The following TCN2 variants were observed in gnomAD, a reference collection of about 807,000 sequenced individuals.
TCN2 encodes transcobalamin 2.
A neutral mutation model predicts 48.6 loss-of-function variants in TCN2; 34 were observed. The ratio of observed to expected loss-of-function variants is 0.70; its 90% CI spans 0.53 to 0.93. The LOEUF (loss-of-function observed/expected upper bound fraction) is 0.93. Ranked by LOEUF, TCN2 falls within the 40% of genes least tolerant of loss-of-function variation. The pLI, the probability that TCN2 is intolerant of heterozygous loss-of-function variation, is 0.00. For synonymous variants in TCN2, 283 were observed against 212.5 expected, an observed-to-expected ratio of 1.33 and a Z score of -2.89; for missense variants, 652 against 526.1, an observed-to-expected ratio of 1.24 and a Z score of -2.34.
rs138467610 is a variant in TCN2, at chr22:30,612,894, C to T, written c.279C>T (p.Asp93=). 36 of 1,613,984 alleles carry T rather than the reference C, an allele frequency of 2.2e-5. No individual in the cohort carries two copies. The highest frequency in any genetic ancestry group is 3.4e-4 in the Middle Eastern group (2 of 5,888). Residue 93 remains aspartate (D), a synonymous_variant, in exon 3 of 9, where the codon GAC becomes GAT. Coordinates refer to ENST00000215838, the MANE Select transcript of TCN2 (RefSeq NM_000355.4). The part of the protein sequence containing the change: ...CLLGSAFSED[D]GDCQGKPSMG... ...CTAGGTCTGCCTTCAGCGAGGATGA[C>T]GGTGACTGCCAGGGCAAGCCTTCCA... is the stretch of plus-strand genomic sequence containing the variant.
chr22:30,625,414 AT>A (rs1158001003), intron 8 of TCN2, among the ~76,000 whole-genome samples: 2 of 148,856 alleles, frequency 1.3e-5, no homozygotes, highest in Admixed American at 6.7e-5. Context: ...AAAAAAAAAA[AT>A]ATTTTCCTGG....
At chr22:30,623,871 T>C (rs201503890) in intron 8 of TCN2, among the ~76,000 whole-genome samples, 2 of 59,348 alleles carry the variant, frequency 3.4e-5, no homozygotes, top group South Asian at 3.7e-4. Flanking sequence ...CACACATATA[T>C]ACACACATAT....
At chr22:30,611,875 A>G (rs1183930216) in intron 2 of TCN2, among the ~76,000 whole-genome samples, 1 of 152,206 alleles carries the variant, frequency 6.6e-6, no homozygotes, top group African/African-American at 2.4e-5. Context: ...GGTTTGAATG[A>G]GAGGCGAAGA....
chr22:30,623,681 G>C (rs1286844219), intron 8 of TCN2, among the ~76,000 whole-genome samples: 1 of 141,400 alleles, frequency 7.1e-6, no homozygotes, highest in Non-Finnish European at 1.5e-5. Context: ...TTTCATATAT[G>C]TGTATACATA....
At chr22:30,617,823 A>G in intron 7 of TCN2, 1 of 411,620 alleles carries the variant, frequency 2.4e-6, no homozygotes, top group South Asian at 2.1e-5. Context: ...TGAAGAGTCC[A>G]GGAGTTAGTA....
At chr22:30,611,160 C>T in intron 2 of TCN2, 97 bp downstream of exon 2, 1 of 1,485,060 alleles carries the variant, frequency 6.7e-7, no homozygotes, top group South Asian at 1.1e-5. Flanking sequence ...TGTGGGCAGA[C>T]CTTAGGCAAA....
chr22:30,618,665 G>A (rs2087651239), intron 7 of TCN2, among the ~76,000 whole-genome samples: 1 of 150,672 alleles, frequency 6.6e-6, no homozygotes, highest in Non-Finnish European at 1.5e-5. Context: ...ATTTATTTAG[G>A]CAAGGTCTCT....
At chr22:30,609,527 G>T (rs16988838) in intron 1 of TCN2, among the ~76,000 whole-genome samples, 1 of 152,080 alleles carries the variant, frequency 6.6e-6, no homozygotes, top group African/African-American at 2.4e-5. Flanking sequence ...TGAGAGCCCG[G>T]GGTGAGGTCA....
chr22:30,625,060 T>C (rs1375874383), intron 8 of TCN2, among the ~76,000 whole-genome samples: 1 of 151,994 alleles, frequency 6.6e-6, no homozygotes, highest in Non-Finnish European at 1.5e-5. Flanking sequence ...CTACTAAAAA[T>C]ACAAAAAATT....
At chr22:30,625,429 T>A (rs2087792498) in intron 8 of TCN2, among the ~76,000 whole-genome samples, 1 of 151,928 alleles carries the variant, frequency 6.6e-6, no homozygotes, top group Non-Finnish European at 1.5e-5. Context: ...TTCCTGGCCC[T>A]TGCCTGCTGA....
chr22:30,624,049 C>CATGTATACATATAT (rs1569047243), intron 8 of TCN2, among the ~76,000 whole-genome samples: 1 of 34,360 alleles, frequency 2.9e-5, no homozygotes, highest in Admixed American at 3.2e-4. Flanking sequence ...TATATACACA[C>CATGTATACATATAT]ACACACACAC....
In TCN2 at chr22:30,610,980, A is replaced by T. The variant is rs764601482; in HGVS notation, c.174A>T (p.Leu58=). 6.2e-6 allele frequency: 10 copies of T among 1,614,172 alleles called. No individual in the cohort carries two copies. In the Admixed American group the frequency reaches 1.2e-4, roughly 19 times the overall value. ...EHLNPSIYVG[L]RLSSLQAGTK... is the part of the protein sequence containing the mutation. ...TGAACCCCAGCATCTATGTGGGCCT[A>T]CGCCTCTCCAGTCTGCAGGCTGGGA... The change falls in exon 2 of 9, where the codon CTA becomes CTT. Residue 58 remains leucine (L), a synonymous_variant. Transcript: ENST00000215838.
At chr22:30,613,477 C>T (rs1465458595) in intron 3 of TCN2, among the ~76,000 whole-genome samples, 1 of 152,064 alleles carries the variant, frequency 6.6e-6, no homozygotes, top group Non-Finnish European at 1.5e-5. Flanking sequence ...TGGGGTTTCT[C>T]CATGTTGGTC....
At position 30,626,115 on chromosome 22, in the gene TCN2, TAGTG is replaced by T. The variant is rs376771162; in HGVS notation, c.1223-339_1223-336del. ...GTCCTCCTAGAGCCTGGATTCTGTG[TAGTG>T]AGTGAAAGCTGACTCCTGGGAGACT... On this transcript the variant is annotated intron_variant, in intron 8 of 8. Transcript: ENST00000215838. Among the ~76,000 whole-genome samples, 205 of 152,216 alleles carry T rather than the reference TAGTG, an allele frequency of 1.3e-3. 1 individual carries two copies. Among genetic ancestry groups the T allele is most frequent in the African/African-American group, 4.6e-3 (193 of 41,530 alleles).
chr22:30,615,729 C>A lies in TCN2; in HGVS notation c.882C>A (p.Pro294=), dbSNP rs142689742. ...QNALMISQLL[P]VLNHKTYIDL... ...CTCTCATGATTTCCCAGCTGCTGCCCGTTCTGAACCACAAGACCTACATTG... is the reference window on the plus strand; with the variant it reads ...CTCTCATGATTTCCCAGCTGCTGCCAGTTCTGAACCACAAGACCTACATTG... Residue 294 remains proline, a synonymous_variant, in exon 6 of 9, where the codon CCC becomes CCA. Transcript: ENST00000215838. 4.3e-6 allele frequency: 7 copies of A among 1,614,078 alleles called. No homozygotes were observed. The highest frequency in any genetic ancestry group is 1.7e-5 in the Admixed American group (1 of 59,998).
chr22:30,626,477 C>T lies in TCN2; in HGVS notation c.1240C>T (p.Pro414Ser), dbSNP rs762520765. Reference sequence around the variant, plus strand: ...TTCTGCAGGTATTGCTGACTACAGACCCAAGGATGGAGAAACCATTGAGCT... The same window carrying T: ...TTCTGCAGGTATTGCTGACTACAGATCCAAGGATGGAGAAACCATTGAGCT... ...PLLQGIADYR[P>S]KDGETIELRL... The change falls in exon 9 of 9, where the codon CCC becomes TCC. Residue 414 changes from proline to serine, a missense_variant. Pro to Ser is a moderately conservative substitution (Grantham distance 74). Coordinates refer to ENST00000215838, the MANE Select transcript of TCN2 (RefSeq NM_000355.4). 3 of 1,614,156 alleles carry T rather than the reference C, an allele frequency of 1.9e-6. No homozygotes were observed. The highest frequency in any genetic ancestry group is 1.7e-5 in the Admixed American group (1 of 60,014).
intron 7 of TCN2, 78 bp downstream of exon 7, chr22:30,617,573 CAG>C: frequency 6.3e-7 from 1 of 1,596,404 alleles, no homozygotes; most frequent in Non-Finnish European, 8.6e-7. Context: ...AGACGGGGAA[CAG>C]AGGAGAGGGT....
intron 8 of TCN2, among the ~76,000 whole-genome samples, chr22:30,623,701 T>A (rs1049970566): frequency 1.8e-5 from 1 of 55,754 alleles, no homozygotes; most frequent in Non-Finnish European, 4.6e-5. Flanking sequence ...ATATATGAAA[T>A]ATATATATAT....
At chr22:30,617,152 G>C (rs1164028043) in intron 6 of TCN2, among the ~76,000 whole-genome samples, 178 bp from the exon 7 acceptor site, 1 of 152,104 alleles carries the variant, frequency 6.6e-6, no homozygotes, top group African/African-American at 2.4e-5. Context: ...TGGGGAATGA[G>C]GGACAGGGGA....
Sources: gnomAD v4.1 joint callset for allele counts (sites outside exome capture counted in the v4.1 genomes callset) on GRCh38, gnomAD v4.1.1 for gene constraint, MANE v1.5 for transcripts, NCBI Gene and HGNC (gene_info 2026-07-23, HGNC 2026-07-21) for gene names.